Variants in NEK10 observed in about 807,000 individuals in gnomAD.
NEK10 encodes NIMA related kinase 10, also known as serine/threonine-protein kinase Nek10.
Under a neutral mutation model 159.8 loss-of-function variants are expected in NEK10, and 122 were observed. That is an observed-to-expected ratio of 0.76 (90% CI 0.66 to 0.89). The LOEUF is 0.89. NEK10 is among the 40% of genes least tolerant of loss of function. The probability of loss-of-function intolerance (pLI) is 0.00; values close to 1 mark genes in which losing one functional copy is unlikely to be tolerated. For missense variants in NEK10, 1,342 were observed against 1,323.1 expected, an observed-to-expected ratio of 1.01 and a Z score of -0.22; for synonymous variants, 466 against 457.1, an observed-to-expected ratio of 1.02 and a Z score of -0.25.
At position 27,269,804 on chromosome 3, in the gene NEK10, T is replaced by TA. The variant is rs2041191729; in HGVS notation, c.2015-13434dup. Among the ~76,000 whole-genome samples, 7 of 152,314 alleles carry TA rather than the reference T, an allele frequency of 4.6e-5. No individual in the cohort carries two copies. In the South Asian group the frequency reaches 1.4e-3, roughly 32 times the overall value. ...CTTTGTAGTTAATCTTAGTACTAGT[T>TA]AAAAATCATTTTAATACATGAAACT... On this transcript the variant is annotated intron_variant, in intron 22 of 35. Transcript: ENST00000691995.
At chr3:27,194,600 A>G (rs1949408884) in intron 25 of NEK10, 1 of 139,946 alleles carries the variant, frequency 7.1e-6, no homozygotes, top group African/African-American at 3.0e-5. Flanking sequence ...AGGATACCTT[A>G]TTCAATTACA....
At chr3:27,366,220 G>A (rs2049072741) in intron 1 of NEK10, among the ~76,000 whole-genome samples, 1 of 152,090 alleles carries the variant, frequency 6.6e-6, no homozygotes, top group African/African-American at 2.4e-5. Context: ...GGAAACTGAG[G>A]TGCAGAAAGA....
intron 14 of NEK10, 56 bp downstream of exon 14, chr3:27,297,123 G>A (rs2043413147): frequency 9.0e-7 from 1 of 1,105,152 alleles, no homozygotes; most frequent in Non-Finnish European, 1.4e-6. Flanking sequence ...TGCACCACAA[G>A]GTGAGTTGAT....
At position 27,352,827 on chromosome 3, in the gene NEK10, T is replaced by G. The variant is rs778484166; in HGVS notation, c.56A>C (p.Gln19Pro). The G allele has an allele frequency of 6.2e-7, 1 of 1,609,644 alleles. No individual in the cohort carries two copies. Among genetic ancestry groups the G allele is most frequent in the Non-Finnish European group, 8.5e-7 (1 of 1,176,264 alleles). ...AGGGAGTTACCTGATGGTGATTTCT[T>G]GCTGTTTATCAGTTGATTTTTCTGT... ...KTTEKSTDKQ[Q>P]EITIRDYSDL... Residue 19 changes from glutamine (Q) to proline (P), a missense_variant, in exon 2 of 36, where the codon CAA becomes CCA. By Grantham distance (76) the Gln-to-Pro change is moderately conservative. Coordinates refer to ENST00000691995, the MANE Select transcript of NEK10 (RefSeq NM_001394966.1).
chr3:27,243,008 A>C (rs1954716500), intron 23 of NEK10, among the ~76,000 whole-genome samples: 2 of 152,238 alleles, frequency 1.3e-5, no homozygotes, highest in Non-Finnish European at 1.5e-5. Context: ...AAATTGTCAC[A>C]GTTTAACAGT....
chr3:27,321,613 CTAGGA>C (rs1278944562), intron 6 of NEK10, among the ~76,000 whole-genome samples: 3 of 152,146 alleles, frequency 2.0e-5, no homozygotes, highest in African/African-American at 7.2e-5. Flanking sequence ...GTGGAGAGTG[CTAGGA>C]TTATAGGCGT....
chr3:27,133,031 C>G (rs1317345209), intron 31 of NEK10, among the ~76,000 whole-genome samples: 1 of 152,132 alleles, frequency 6.6e-6, no homozygotes, highest in Non-Finnish European at 1.5e-5. Context: ...TACTTTTGGT[C>G]AATAAAAATG....
At chr3:27,206,512 A>G (rs1950558510) in intron 23 of NEK10, 3 of 851,884 alleles carry the variant, frequency 3.5e-6, no homozygotes, top group Non-Finnish European at 4.2e-6. Context: ...CAGATACCAT[A>G]TAATGACCCT....
intron 22 of NEK10, among the ~76,000 whole-genome samples, chr3:27,275,108 T>C (rs1374216388): frequency 1.3e-5 from 2 of 152,198 alleles, no homozygotes; most frequent in Non-Finnish European, 2.9e-5. Context: ...AAATTTGGTG[T>C]CTCCTTCTGT....
intron 23 of NEK10, among the ~76,000 whole-genome samples, chr3:27,227,483 T>C (rs1166917195): frequency 6.6e-6 from 1 of 152,196 alleles, no homozygotes; most frequent in Non-Finnish European, 1.5e-5. Flanking sequence ...ACATTAATTA[T>C]AGTCAAACAC....
chr3:27,132,794 G>GTTTAATATTTAAACAAAATAA (rs1275608618), intron 31 of NEK10, among the ~76,000 whole-genome samples: 6 of 152,186 alleles, frequency 3.9e-5, no homozygotes, highest in Admixed American at 3.9e-4. Context: ...ATAATATTTG[G>GTTTAATATTTAAACAAAATAA]TTTTGTTTAA....
intron 19 of NEK10, among the ~76,000 whole-genome samples, chr3:27,289,475 GACCCTA>G (rs1358850215): frequency 6.6e-6 from 1 of 152,186 alleles, no homozygotes; most frequent in African/African-American, 2.4e-5. Flanking sequence ...CTTCCTATCT[GACCCTA>G]GTTTGACAGT....
intron 28 of NEK10, among the ~76,000 whole-genome samples, chr3:27,174,199 G>A (rs569929758): frequency 1.4e-4 from 22 of 152,174 alleles, no homozygotes; most frequent in Admixed American, 2.6e-4. Flanking sequence ...GTTAGAACCT[G>A]CAATTGCTGG....
intron 29 of NEK10, among the ~76,000 whole-genome samples, chr3:27,164,209 C>T (rs1365441600): frequency 6.6e-6 from 1 of 152,166 alleles, no homozygotes; most frequent in Non-Finnish European, 1.5e-5. Flanking sequence ...GCTGATCCTG[C>T]CCTCAGAAAG....
At chr3:27,207,058 T>C (rs1348501540) in intron 23 of NEK10, among the ~76,000 whole-genome samples, 1 of 152,200 alleles carries the variant, frequency 6.6e-6, no homozygotes, top group Non-Finnish European at 1.5e-5. Context: ...TTTTTCTTAA[T>C]CTGCAAGACT....
At chr3:27,214,934 C>A in intron 23 of NEK10, 1 of 962,718 alleles carries the variant, frequency 1.0e-6, no homozygotes. Flanking sequence ...GGTGAGAAGA[C>A]AATTCCTAAT....
At chr3:27,145,877 G>A (rs940213815) in intron 30 of NEK10, among the ~76,000 whole-genome samples, 36 of 151,954 alleles carry the variant, frequency 2.4e-4, no homozygotes, top group African/African-American at 6.0e-4. Flanking sequence ...TCCTAAGGGC[G>A]GAGGCCTCAT....
At chr3:27,152,472 C>T (rs1436071248) in intron 30 of NEK10, among the ~76,000 whole-genome samples, 1 of 152,152 alleles carries the variant, frequency 6.6e-6, no homozygotes, top group Non-Finnish European at 1.5e-5. Context: ...CAAGCCACCA[C>T]TACAGGAACT....
intron 30 of NEK10, among the ~76,000 whole-genome samples, chr3:27,154,507 T>C (rs1050634168): frequency 6.6e-6 from 1 of 152,068 alleles, no homozygotes; most frequent in African/African-American, 2.4e-5. Context: ...AAGAAAACTA[T>C]AGACTGAAAT....
Sources: gnomAD v4.1 joint callset for allele counts (sites outside exome capture counted in the v4.1 genomes callset) on GRCh38, gnomAD v4.1.1 for gene constraint, MANE v1.5 for transcripts, NCBI Gene and HGNC (gene_info 2026-07-23, HGNC 2026-07-21) for gene names.